Variants in ERBB4 observed in about 807,000 individuals in gnomAD.
The protein encoded by ERBB4 is erb-b2 receptor tyrosine kinase 4, also known as receptor tyrosine-protein kinase erbB-4.
Under a neutral mutation model 158.0 loss-of-function variants are expected in ERBB4, and 42 were observed. That is an observed-to-expected ratio of 0.27 (90% CI 0.21 to 0.34). The LOEUF is 0.34. Among genes scored for constraint, ERBB4 ranks in the 10% least tolerant of loss-of-function variants. The pLI is 1.00. For missense variants in ERBB4, 1,333 were observed against 1,624.1 expected, an observed-to-expected ratio of 0.82 and a Z score of 3.08; for synonymous variants, 583 against 558.7, an observed-to-expected ratio of 1.04 and a Z score of -0.61.
chr2:212,293,543 G>A (rs1005489217), intron 1 of ERBB4, among the ~76,000 whole-genome samples: 8 of 151,942 alleles, frequency 5.3e-5, no homozygotes, highest in African/African-American at 1.9e-4. Flanking sequence ...AACTAATGCA[G>A]TTGAGTGAAA....
intron 2 of ERBB4, among the ~76,000 whole-genome samples, chr2:212,068,292 T>C (rs2078003154): frequency 6.6e-6 from 1 of 152,020 alleles, no homozygotes; most frequent in East Asian, 1.9e-4. Flanking sequence ...GTAATACTGA[T>C]GCTCTAAGTG....
intron 3 of ERBB4, among the ~76,000 whole-genome samples, chr2:211,942,593 A>G (rs906953875): frequency 3.3e-5 from 5 of 152,094 alleles, no homozygotes; most frequent in Non-Finnish European, 7.4e-5. Context: ...GCTTCTAGGT[A>G]TAACTTCGGT....
chr2:212,333,982 C>T (rs1044603408), intron 1 of ERBB4, among the ~76,000 whole-genome samples: 2 of 151,932 alleles, frequency 1.3e-5, no homozygotes, highest in African/African-American at 4.8e-5. Flanking sequence ...ACTGGAGGCT[C>T]AATGCAAAAA....
intron 2 of ERBB4, among the ~76,000 whole-genome samples, chr2:212,016,971 A>C (rs1447443098): frequency 2.0e-5 from 3 of 152,162 alleles, no homozygotes; most frequent in African/African-American, 7.2e-5. Flanking sequence ...CATGGAAAAC[A>C]TCAAATGATT....
intron 3 of ERBB4, among the ~76,000 whole-genome samples, chr2:211,798,734 G>C (rs1393102070): frequency 6.6e-6 from 1 of 151,928 alleles, no homozygotes; most frequent in Non-Finnish European, 1.5e-5. Context: ...CATTAAGTTT[G>C]GTGCCTAGCA....
chr2:211,865,482 TC>T (rs1434516769), intron 3 of ERBB4, among the ~76,000 whole-genome samples: 3 of 152,100 alleles, frequency 2.0e-5, no homozygotes, highest in Non-Finnish European at 4.4e-5. Flanking sequence ...GATAATTATA[TC>T]TTTTATTTTT....
chr2:211,384,856 C>G (rs1197947111), intron 27 of ERBB4, among the ~76,000 whole-genome samples: 2 of 151,874 alleles, frequency 1.3e-5, no homozygotes, highest in East Asian at 3.9e-4. Context: ...TTGTACGGAT[C>G]AATCTAATAA....
At chr2:212,529,475 T>C (rs1692630801) in intron 1 of ERBB4, among the ~76,000 whole-genome samples, 1 of 152,092 alleles carries the variant, frequency 6.6e-6, no homozygotes, top group African/African-American at 2.4e-5. Context: ...AGAAAGCAAC[T>C]AAAGAAATTT....
chr2:212,358,987 T>C (rs16848448), intron 1 of ERBB4, among the ~76,000 whole-genome samples: 15,278 of 151,812 alleles, frequency 0.1, 1,236 homozygotes, highest in African/African-American at 0.23. Flanking sequence ...CTATTTCAGC[T>C]ACATCTCTGC....
chr2:212,518,941 C>T (rs1186295773), intron 1 of ERBB4, among the ~76,000 whole-genome samples: 6 of 151,888 alleles, frequency 4.0e-5, no homozygotes, highest in African/African-American at 1.4e-4. Flanking sequence ...CCTGAGACTA[C>T]TCCAAATAGG....
intron 1 of ERBB4, among the ~76,000 whole-genome samples, chr2:212,360,698 G>C (rs983588156): frequency 2.0e-5 from 3 of 151,582 alleles, no homozygotes; most frequent in African/African-American, 7.2e-5. Context: ...CAGAAAGCAT[G>C]GTGACTTTCA....
At chr2:212,125,082 T>C (rs557976791) in intron 1 of ERBB4, 179 bp from the exon 2 acceptor site, 1 of 660,326 alleles carries the variant, frequency 1.5e-6, no homozygotes, top group South Asian at 1.8e-5. Flanking sequence ...ACTTTTATAT[T>C]CCCAAATTAC....
intron 3 of ERBB4, among the ~76,000 whole-genome samples, chr2:211,827,252 T>A (rs1008151746): frequency 1.3e-5 from 2 of 152,058 alleles, no homozygotes; most frequent in Non-Finnish European, 2.9e-5. Flanking sequence ...TTCATTCACA[T>A]GATAATTTAT....
At chr2:212,053,803 G>T (rs934773802) in intron 2 of ERBB4, among the ~76,000 whole-genome samples, 1 of 152,068 alleles carries the variant, frequency 6.6e-6, no homozygotes, top group Non-Finnish European at 1.5e-5. Context: ...TAAATCTTAC[G>T]CATATTCAGG....
At chr2:212,383,884 A>G (rs2090590356) in intron 1 of ERBB4, among the ~76,000 whole-genome samples, 1 of 151,702 alleles carries the variant, frequency 6.6e-6, no homozygotes, top group Non-Finnish European at 1.5e-5. Flanking sequence ...TAAGGACCAC[A>G]GTTTTACATT....
intron 4 of ERBB4, among the ~76,000 whole-genome samples, chr2:211,773,622 ATATATATATAT>A (rs2075781015): frequency 1.5e-5 from 1 of 65,334 alleles, no homozygotes; most frequent in South Asian, 4.2e-4. Context: ...ATATATATAT[ATATATATATAT>A]ATATATATAT....
At chr2:212,364,584 T>G (rs776366310) in intron 1 of ERBB4, among the ~76,000 whole-genome samples, 1 of 151,820 alleles carries the variant, frequency 6.6e-6, no homozygotes, top group African/African-American at 2.4e-5. Flanking sequence ...ACCATAATGA[T>G]GCAAAGTTTT....
intron 4 of ERBB4, chr2:211,779,224 T>A (rs1190509590): frequency 6.6e-6 from 1 of 152,190 alleles, no homozygotes; most frequent in African/African-American, 2.4e-5. Context: ...GGCGGTAACA[T>A]CAAATGATTT....
At chr2:211,846,121 G>A (rs749707661) in intron 3 of ERBB4, among the ~76,000 whole-genome samples, 16 of 150,146 alleles carry the variant, frequency 1.1e-4, no homozygotes, top group Non-Finnish European at 2.2e-4. Context: ...TCATCCCTAG[G>A]GCATTTCCCT....
Sources: allele counts gnomAD v4.1 joint callset (sites outside exome capture counted in the v4.1 genomes callset), GRCh38; gene constraint gnomAD v4.1.1; transcripts MANE v1.5; gene names NCBI Gene and HGNC (gene_info 2026-07-23, HGNC 2026-07-21).